Variants in MAP3K9 observed in about 807,000 individuals in gnomAD.
MAP3K9 encodes the protein mixed lineage kinase 1 (tyr and ser/thr specificity).
MAP3K9 carries 46 observed loss-of-function variants against 95.8 expected under a neutral mutation model. The ratio of observed to expected loss-of-function variants is 0.48; its 90% confidence interval spans 0.38 to 0.61. The LOEUF (loss-of-function observed/expected upper bound fraction) is 0.61. MAP3K9 is among the 20% of genes least tolerant of loss of function. The pLI, the probability that MAP3K9 is intolerant of heterozygous loss-of-function variation, is 0.00. For synonymous variants in MAP3K9, 533 were observed against 593.8 expected (o/e 0.90, Z 1.49); for missense variants, 1,296 against 1,474.3 (o/e 0.88, Z 1.98).
chr14:70,792,249 G>A (rs1258690813), intron 2 of MAP3K9, among the ~76,000 whole-genome samples: 1 of 152,138 alleles, frequency 6.6e-6, no homozygotes, highest in Non-Finnish European at 1.5e-5. Context: ...CCAATTCTCT[G>A]AGCGCTTGTA....
At chr14:70,792,613 G>A (rs953762910) in intron 2 of MAP3K9, among the ~76,000 whole-genome samples, 2 of 152,182 alleles carry the variant, frequency 1.3e-5, no homozygotes, top group African/African-American at 4.8e-5. Context: ...CAAGTCTAAT[G>A]CCACATCATC....
At chr14:70,804,914 G>A (rs960876365) in intron 1 of MAP3K9, among the ~76,000 whole-genome samples, 1 of 152,178 alleles carries the variant, frequency 6.6e-6, no homozygotes, top group Non-Finnish European at 1.5e-5. Context: ...AGAAAGAAGG[G>A]AGGGAGGAAG....
Position 70,742,429 on chromosome 14 carries a change from G to A in MAP3K9, c.1489C>T (p.Arg497Trp), listed in dbSNP as rs1291849494. Residue 497 changes from arginine (R) to tryptophan (W), a missense_variant, in exon 6 of 12, where the codon CGG (arginine) becomes TGG (tryptophan). This residue lies in a region of MAP3K9 where 377 missense variants were observed against 417.1 expected (regional missense o/e 0.90). Transcript: ENST00000554752. ...IIHQLCQEKP[R>W]VKKRKGKFRK... is the part of the protein sequence containing the mutation. Reference sequence around the variant, plus strand: ...AACTTGCCCTTGCGTTTCTTCACCCGGGGCTTCTCCTGGCACAGCTGGTGG... The same window carrying A: ...AACTTGCCCTTGCGTTTCTTCACCCAGGGCTTCTCCTGGCACAGCTGGTGG... The A allele has an allele frequency of 4.3e-6, 7 of 1,614,018 alleles. No individual in the cohort carries two copies. The highest frequency in any genetic ancestry group is 2.2e-5 in the East Asian group (1 of 44,892).
Position 70,727,162 on chromosome 14 carries a change from T to C in MAP3K9, c.*3218A>G, listed in dbSNP as rs1432859210. 1 of 152,212 alleles carries C rather than the reference T, an allele frequency of 6.6e-6. No individual in the cohort carries two copies. Among genetic ancestry groups the C allele is most frequent in the Non-Finnish European group, 1.5e-5 (1 of 68,052 alleles). The allele number at this position is 152,212 out of a possible 1,614,324, so 9.4% of individuals were successfully genotyped here. ...GGTCAGGAGGAAAAGTTAGCACTAT[T>C]CTGAGTTGTCCAGATGTAAGATATC... is the stretch of plus-strand genomic sequence containing the variant. On this transcript the variant is annotated 3_prime_UTR_variant, in exon 12 of 12. Transcript: ENST00000554752.
intron 2 of MAP3K9, among the ~76,000 whole-genome samples, chr14:70,784,993 A>G (rs1381374033): frequency 6.6e-6 from 1 of 152,212 alleles, no homozygotes; most frequent in South Asian, 2.1e-4. Context: ...GGTGAGTCAC[A>G]GGGTCCGTCC....
At chr14:70,765,283 T>C (rs375555681) in intron 2 of MAP3K9, among the ~76,000 whole-genome samples, 28 of 152,290 alleles carry the variant, frequency 1.8e-4, no homozygotes, top group East Asian at 1.7e-3. Flanking sequence ...TGAGCCACGA[T>C]TGCACCACTG....
chr14:70,732,816 G>A lies in MAP3K9; in HGVS notation c.2553C>T (p.Arg851=), dbSNP rs776425287. ...ACACGACAATTTCATCGCTGTCGGA[G>A]CGCAGCAGGGAGCGTGTGGAGTTGC... The part of the protein sequence containing the change: ...SECNSTRSLL[R]SDSDEIVVYE... The change falls in exon 11 of 12, where the codon CGC becomes CGT. Residue 851 remains arginine (R), a synonymous_variant. Coordinates refer to ENST00000554752, the MANE Select transcript of MAP3K9 (RefSeq NM_001284230.2). 3.1e-6 allele frequency: 5 copies of A among 1,614,132 alleles called. No homozygotes were observed. The East Asian group carries it at 1.1e-4, about 36-fold the overall frequency.
intron 2 of MAP3K9, among the ~76,000 whole-genome samples, chr14:70,767,383 C>CAAAA (rs67534847): frequency 1.5e-5 from 1 of 65,332 alleles, no homozygotes; most frequent in Non-Finnish European, 2.8e-5. Flanking sequence ...CACTCAGTCT[C>CAAAA]AAAAAAAAAA....
At chr14:70,795,804 G>T (rs1244005617) in intron 2 of MAP3K9, among the ~76,000 whole-genome samples, 4 of 150,800 alleles carry the variant, frequency 2.7e-5, no homozygotes. Flanking sequence ...TGTCACCCAG[G>T]CTGGAGTGCA....
Position 70,727,512 on chromosome 14 carries a change from G to A in MAP3K9, c.*2868C>T, listed in dbSNP as rs2053834906. ...AGGGGGGCCGGCTACTGCCACTCAA[G>A]TGGCTTCATCCACAGCTCCAGGGCC... On this transcript the variant is annotated 3_prime_UTR_variant, in exon 12 of 12. Coordinates refer to ENST00000554752, the MANE Select transcript of MAP3K9 (RefSeq NM_001284230.2). The A allele has an allele frequency of 6.6e-6, 1 of 152,568 alleles. No individual in the cohort carries two copies. 9.5% of individuals were successfully genotyped at this position (152,568 alleles called of 1,614,324 possible). A position where few individuals can be genotyped will look rare whatever the true frequency, so the allele number is the denominator to read the frequency against.
intron 3 of MAP3K9, among the ~76,000 whole-genome samples, chr14:70,753,523 G>A (rs1278022193): frequency 2.0e-5 from 3 of 152,288 alleles, no homozygotes; most frequent in South Asian, 2.1e-4. Flanking sequence ...AGGGAAAGGC[G>A]GGCAGTAGAA....
intron 2 of MAP3K9, among the ~76,000 whole-genome samples, chr14:70,787,009 C>T (rs969189113): frequency 6.6e-5 from 10 of 151,916 alleles, no homozygotes; most frequent in African/African-American, 2.2e-4. Flanking sequence ...GCATGTACAC[C>T]GTGAATAAAA....
At chr14:70,779,357 T>C (rs569358494) in intron 2 of MAP3K9, among the ~76,000 whole-genome samples, 7 of 152,306 alleles carry the variant, frequency 4.6e-5, no homozygotes, top group African/African-American at 1.7e-4. Context: ...CCACAGTAAG[T>C]AACCTATTAC....
At chr14:70,798,471 GTTT>G (rs1170327816) in intron 2 of MAP3K9, among the ~76,000 whole-genome samples, 14 of 65,428 alleles carry the variant, frequency 2.1e-4, no homozygotes, top group African/African-American at 5.6e-4. Context: ...GTCACCAAAA[GTTT>G]TTTTTTTTTT....
Position 70,789,554 on chromosome 14 carries a change from G to A in MAP3K9, c.820+11113C>T, listed in dbSNP as rs558245719. Among the ~76,000 whole-genome samples the A allele has an allele frequency of 8.5e-5, 13 of 152,208 alleles. No homozygotes were observed. The South Asian group carries it at 1.7e-3, about 19-fold the overall frequency. ...CATTTCTGTGTTGTTCATATTTTAC[G>A]GATGAGATTTCCTGTGACTCCAAGA... On this transcript the variant is annotated intron_variant, in intron 2 of 11. Coordinates refer to ENST00000554752, the MANE Select transcript of MAP3K9 (RefSeq NM_001284230.2).
rs2054014194 is a variant in MAP3K9, at chr14:70,738,306, T to C, written c.1783A>G (p.Lys595Glu). The C allele has an allele frequency of 6.2e-7, 1 of 1,613,850 alleles. No individual in the cohort carries two copies. Residue 595 changes from lysine (K) to glutamate (E), a missense_variant, in exon 8 of 12, where the codon AAG becomes GAG. This residue lies in a region of MAP3K9 where 377 missense variants were observed against 417.1 expected (regional missense o/e 0.90). Coordinates refer to ENST00000554752, the MANE Select transcript of MAP3K9 (RefSeq NM_001284230.2). ...EEEEKRAPKK[K>E]GRTWGPGTLG... ...GTCCCTGGCCCCCACGTCCGTCCCTTCTTCTTTGGGGCCCTCTTCTCCTCC... is the reference window on the plus strand; with the variant it reads ...GTCCCTGGCCCCCACGTCCGTCCCTCCTTCTTTGGGGCCCTCTTCTCCTCC...
chr14:70,809,433 G>GA lies in MAP3K9; in HGVS notation c.-263_-262insT. The GA allele has an allele frequency of 3.1e-6, 1 of 318,184 alleles. No individual in the cohort carries two copies. Among genetic ancestry groups the GA allele is most frequent in the Non-Finnish European group, 5.6e-6 (1 of 177,184 alleles). 19.7% of individuals were successfully genotyped at this position (318,184 alleles called of 1,614,324 possible). A position where few individuals can be genotyped will look rare whatever the true frequency, so the allele number is the denominator to read the frequency against. On this transcript the variant is annotated 5_prime_UTR_variant, in exon 1 of 12. Transcript: ENST00000554752. ...CCTGCCCGCTCGCCCCCCCGGGGGC[G>GA]GCCTCGTCACCTCTGCCGCCGGTAC...
chr14:70,774,461 G>A (rs564077066), intron 2 of MAP3K9, among the ~76,000 whole-genome samples: 3 of 148,172 alleles, frequency 2.0e-5, no homozygotes, highest in Admixed American at 6.7e-5. Flanking sequence ...AGGTGAGTTC[G>A]AGACCAGCCT....
chr14:70,807,827 A>G (rs1413474076), intron 1 of MAP3K9, among the ~76,000 whole-genome samples: 4 of 152,232 alleles, frequency 2.6e-5, no homozygotes, highest in East Asian at 1.9e-4. Context: ...ACTCCCTTGA[A>G]AAAAAAAGAA....
Sources: allele counts gnomAD v4.1 joint callset (sites outside exome capture counted in the v4.1 genomes callset), GRCh38; gene constraint gnomAD v4.1.1; regional missense constraint gnomAD v4.1.1; transcripts MANE v1.5; gene names NCBI Gene and HGNC (gene_info 2026-07-23, HGNC 2026-07-21).